Variants in MTUS1 observed in about 807,000 individuals in gnomAD.
MTUS1 encodes the protein microtubule associated scaffold protein 1.
Under a neutral mutation model 120.8 loss-of-function variants are expected in MTUS1, and 109 were observed. The observed-to-expected ratio is 0.90, with a 90% CI of 0.77 to 1.06. The LOEUF (loss-of-function observed/expected upper bound fraction) is 1.06, where lower values mean the gene tolerates loss of function less well. MTUS1 is among the 50% of genes least tolerant of loss of function. MTUS1 has a pLI of 0.00. For missense variants in MTUS1, 2,210 were observed against 1,486.3 expected, an observed-to-expected ratio of 1.49 and a Z score of -8.01; for synonymous variants, 737 against 550.5, an observed-to-expected ratio of 1.34 and a Z score of -4.74.
At chr8:17,675,412 C>G (rs1812897951) in intron 7 of MTUS1, 160 bp from the exon 8 acceptor site, 1 of 596,624 alleles carries the variant, frequency 1.7e-6, no homozygotes, top group Middle Eastern at 2.9e-4. Flanking sequence ...CACAGTTGTC[C>G]CTTAGCTGTT....
At chr8:17,690,120 T>C (rs1816659774) in intron 6 of MTUS1, among the ~76,000 whole-genome samples, 2 of 152,090 alleles carry the variant, frequency 1.3e-5, no homozygotes, top group South Asian at 4.1e-4. Context: ...TTGCAAACTA[T>C]GCATTTGACA....
intron 13 of MTUS1, among the ~76,000 whole-genome samples, chr8:17,648,008 A>T (rs935987167): frequency 1.3e-5 from 2 of 152,216 alleles, no homozygotes; most frequent in African/African-American, 2.4e-5. Flanking sequence ...TTTCCAGAAA[A>T]GGAGTCTACG....
chr8:17,790,881 G>A (rs891174763), intron 1 of MTUS1, among the ~76,000 whole-genome samples: 8 of 152,102 alleles, frequency 5.3e-5, no homozygotes, highest in African/African-American at 1.9e-4. Context: ...CAGCTACCCA[G>A]GAAGCTGAGG....
chr8:17,676,120 C>A, intron 7 of MTUS1: 1 of 611,514 alleles, frequency 1.6e-6, no homozygotes, highest in South Asian at 1.9e-5. Flanking sequence ...ACGGAGCTCC[C>A]ACCACATCCT....
At chr8:17,746,219 T>C (rs573118914) in intron 2 of MTUS1, among the ~76,000 whole-genome samples, 6 of 152,220 alleles carry the variant, frequency 3.9e-5, no homozygotes, top group African/African-American at 1.2e-4. Context: ...CTACATGATC[T>C]TGGCTGCTGT....
At chr8:17,713,857 A>G (rs1437538332) in intron 5 of MTUS1, among the ~76,000 whole-genome samples, 1 of 152,160 alleles carries the variant, frequency 6.6e-6, no homozygotes, top group Non-Finnish European at 1.5e-5. Context: ...TTCTATCTGA[A>G]ATTTTACAGA....
intron 13 of MTUS1, 120 bp from the exon 14 acceptor site, chr8:17,647,199 T>C (rs1806000269): frequency 1.4e-6 from 1 of 705,276 alleles, no homozygotes; most frequent in Non-Finnish European, 2.4e-6. Flanking sequence ...TGCAATTCCA[T>C]ATTAAAATAT....
chr8:17,800,004 A>C (rs1157405353), intron 1 of MTUS1, among the ~76,000 whole-genome samples: 1 of 152,142 alleles, frequency 6.6e-6, no homozygotes, highest in Non-Finnish European at 1.5e-5. Flanking sequence ...GGACATCACC[A>C]TTTTAAGTTG....
At chr8:17,649,494 C>A (rs1388872489) in intron 13 of MTUS1, among the ~76,000 whole-genome samples, 1 of 152,132 alleles carries the variant, frequency 6.6e-6, no homozygotes, top group Middle Eastern at 3.2e-3. Flanking sequence ...ATCTAAGAAA[C>A]CTGTCCAGGG....
intron 1 of MTUS1, among the ~76,000 whole-genome samples, chr8:17,765,250 C>A (rs897994615): frequency 3.9e-5 from 6 of 152,152 alleles, no homozygotes; most frequent in Non-Finnish European, 8.8e-5. Context: ...TGCCCCCTCG[C>A]CTGAAGCCTA....
At chr8:17,765,678 C>CCACACA (rs60406848) in intron 1 of MTUS1, among the ~76,000 whole-genome samples, 44,071 of 129,864 alleles carry the variant, frequency 0.34, 7,572 homozygotes, top group Middle Eastern at 0.41. Flanking sequence ...AATACAGACA[C>CCACACA]CACACACACA....
Position 17,645,767 on chromosome 8 carries a change from G to T in MTUS1, c.*159C>A. On this transcript the variant is annotated 3_prime_UTR_variant, in exon 15 of 15. Coordinates refer to ENST00000693296, the MANE Select transcript of MTUS1 (RefSeq NM_001363059.2). ...GCAAAAGTCTTCCTCCAGAGTTCCAGTCTCAGAAGCTGCGATTCCGCCGGT... is the reference window on the plus strand; with the variant it reads ...GCAAAAGTCTTCCTCCAGAGTTCCATTCTCAGAAGCTGCGATTCCGCCGGT... The T allele has an allele frequency of 2.2e-6, 2 of 919,310 alleles. No individual in the cohort carries two copies. Among genetic ancestry groups the T allele is most frequent in the South Asian group, 2.7e-5 (1 of 37,652 alleles). The allele number at this position is 919,310 out of a possible 1,614,324, so 56.9% of individuals were successfully genotyped here.
At chr8:17,666,237 A>G (rs1810883392) in intron 8 of MTUS1, among the ~76,000 whole-genome samples, 1 of 151,310 alleles carries the variant, frequency 6.6e-6, no homozygotes, top group Admixed American at 6.6e-5. Flanking sequence ...AGAAAAAGTG[A>G]GGCTGACTTT....
chr8:17,676,541 G>C (rs1445120353), intron 7 of MTUS1: 10 of 577,366 alleles, frequency 1.7e-5, no homozygotes, highest in Non-Finnish European at 3.1e-5. Context: ...TTCTGCCTTT[G>C]GCACAGGCAG....
chr8:17,714,335 G>C (rs1340817526), intron 5 of MTUS1, among the ~76,000 whole-genome samples: 3 of 152,186 alleles, frequency 2.0e-5, no homozygotes, highest in Non-Finnish European at 4.4e-5. Context: ...CACAGAGAGA[G>C]AGAGAGACAT....
intron 7 of MTUS1, among the ~76,000 whole-genome samples, chr8:17,677,781 CAA>C (rs1280852173): frequency 2.0e-5 from 3 of 152,278 alleles, no homozygotes; most frequent in South Asian, 2.1e-4. Context: ...ATGGGTTGTG[CAA>C]AAGTCAGTTG....
intron 1 of MTUS1, among the ~76,000 whole-genome samples, chr8:17,759,479 ATAAATAATAC>A (rs1304821583): frequency 6.6e-6 from 1 of 151,186 alleles, no homozygotes; most frequent in East Asian, 1.9e-4. Flanking sequence ...TTTCTCATTT[ATAAATAATAC>A]TAAACTGAAA....
At chr8:17,676,686 G>A (rs141392295) in intron 7 of MTUS1, among the ~76,000 whole-genome samples, 1 of 152,246 alleles carries the variant, frequency 6.6e-6, no homozygotes, top group African/African-American at 2.4e-5. Flanking sequence ...CATGGATAAT[G>A]GAGTTATTTT....
chr8:17,752,993 T>C (rs1255642821), intron 2 of MTUS1, among the ~76,000 whole-genome samples: 1 of 152,220 alleles, frequency 6.6e-6, no homozygotes, highest in Non-Finnish European at 1.5e-5. Flanking sequence ...ATGTGAATTC[T>C]TTATTCTTTA....
Sources: allele counts gnomAD v4.1 joint callset (sites outside exome capture counted in the v4.1 genomes callset), GRCh38; gene constraint gnomAD v4.1.1; transcripts MANE v1.5; gene names NCBI Gene and HGNC (gene_info 2026-07-23, HGNC 2026-07-21).